Variants in COL1A1 observed in about 807,000 individuals in gnomAD.
COL1A1 encodes collagen type I alpha 1 chain.
Under a neutral mutation model 195.7 loss-of-function variants are expected in COL1A1, and 21 were observed. That is an observed-to-expected ratio of 0.11 (90% CI 0.08 to 0.15). The LOEUF is 0.15. COL1A1 is among the 10% of genes least tolerant of loss of function. The pLI is 1.00. For missense variants in COL1A1, 1,365 were observed against 2,051.0 expected (o/e 0.67, Z 6.46); for synonymous variants, 749 against 747.3 (o/e 1.00, Z -0.04).
At chr17:50,196,845 T>C (rs570603949) in intron 11 of COL1A1, among the ~76,000 whole-genome samples, 165 bp downstream of exon 11, 2 of 152,298 alleles carry the variant, frequency 1.3e-5, no homozygotes, top group Admixed American at 1.3e-4. Context: ...TCGGGACTGC[T>C]TTCCCATGGA....
chr17:50,186,080 T>C lies in COL1A1; in HGVS notation c.4006-60A>G. 7 of 1,601,556 alleles carry C rather than the reference T, an allele frequency of 4.4e-6. No homozygotes were observed. Among genetic ancestry groups the C allele is most frequent in the Non-Finnish European group, 5.9e-6 (7 of 1,178,708 alleles). On this transcript the variant is annotated intron_variant, in intron 49 of 50. Coordinates refer to ENST00000225964, the MANE Select transcript of COL1A1 (RefSeq NM_000088.4). The surrounding 1 kb of genome is among the most constrained non-coding windows in gnomAD (Gnocchi z 5.3). ...CTATGCGGGAACCTCTAGTCCTGCC[T>C]GGCCTCCCTGTCCAGGGTCCTCAGA...
rs758006385 is a variant in COL1A1 at position 50,194,558 on chromosome 17, G to T, written c.1515+15C>A. ...GAGCGGCAGGGTCAGCCCCCCGGCC[G>T]CAAGGAGAGGTTACCTTGGGACCAG... On this transcript the variant is annotated intron_variant, in intron 22 of 50. Coordinates refer to ENST00000225964, the MANE Select transcript of COL1A1 (RefSeq NM_000088.4). This position sits in a 1 kb window ranked among gnomAD's most constrained non-coding sequence, Gnocchi z 6.8. 1.3e-5 allele frequency: 20 copies of T among 1,596,340 alleles called. No homozygotes were observed. The highest frequency in any genetic ancestry group is 5.3e-5 in the Admixed American group (3 of 56,112).
At chr17:50,196,133 G>A (rs1476715192) in intron 15 of COL1A1, 22 bp downstream of exon 15, 1 of 1,613,866 alleles carries the variant, frequency 6.2e-7, no homozygotes, top group Non-Finnish European at 8.5e-7. Flanking sequence ...CCCAGGCCCT[G>A]AGGCCTACAG....
intron 5 of COL1A1, 146 bp downstream of exon 5, chr17:50,199,080 A>G (rs985552790): frequency 1.5e-5 from 14 of 917,712 alleles, no homozygotes; most frequent in Non-Finnish European, 2.0e-5. Flanking sequence ...CATGTCACAA[A>G]CTGTGAAGGG....
In COL1A1 at chr17:50,199,859, G is replaced by A. The variant is rs1343673309; in HGVS notation, c.192C>T (p.Asp64=). The change falls in exon 2 of 51, where the codon GAC becomes GAT. Residue 64 remains aspartate, a synonymous_variant. Transcript: ENST00000225964. Reference sequence around the variant, plus strand: ...CGTCATCGCACAACACCTTGCCGTTGTCGCAGACGCAGATCCGGCAGGGCT... The same window carrying A: ...CGTCATCGCACAACACCTTGCCGTTATCGCAGACGCAGATCCGGCAGGGCT... ...KPEPCRICVC[D]NGKVLCDDVI... The A allele has an allele frequency of 2.5e-6, 4 of 1,614,220 alleles. No homozygotes were observed. Among genetic ancestry groups the A allele is most frequent in the Non-Finnish European group, 2.5e-6 (3 of 1,180,036 alleles).
chr17:50,190,345 A>C lies in COL1A1; in HGVS notation c.2433T>G (p.Ala811=). The change falls in exon 35 of 51, where the codon GCT becomes GCG. Residue 811 remains alanine (A), a synonymous_variant. Coordinates refer to ENST00000225964, the MANE Select transcript of COL1A1 (RefSeq NM_000088.4). This position sits in a 1 kb window ranked among gnomAD's most constrained non-coding sequence, Gnocchi z 4.7. ...DRGEPGPPGP[A]GFAGPPGADG... The stretch of plus-strand genomic sequence containing the variant: ...TACTCACAGGGGGGCCAGCAAAGCC[A>C]GCAGGGCCGGGGGGACCAGGCTCAC... 2 of 1,608,878 alleles carry C rather than the reference A, an allele frequency of 1.2e-6. No homozygotes were observed. Among genetic ancestry groups the C allele is most frequent in the Non-Finnish European group, 1.7e-6 (2 of 1,176,204 alleles).
intron 9 of COL1A1, 79 bp from the exon 10 acceptor site, chr17:50,197,312 G>A (rs888407264): frequency 6.9e-7 from 1 of 1,441,736 alleles, no homozygotes; most frequent in Non-Finnish European, 9.8e-7. Flanking sequence ...GAAGGTCTCA[G>A]TCTTCTTTGG....
At position 50,194,591 on chromosome 17, in the gene COL1A1, A is replaced by G. The variant is rs376679678; in HGVS notation, c.1497T>C (p.Asp499=). ...GPGSRGFPGA[D]GVAGPKGPAG... is the part of the protein sequence containing the mutation. ...AGGTTACCTTGGGACCAGCAACACCATCTGCGCCAGGGAAACCACGGCTAC... is the reference window on the plus strand; with the variant it reads ...AGGTTACCTTGGGACCAGCAACACCGTCTGCGCCAGGGAAACCACGGCTAC... The change falls in exon 22 of 51, where the codon GAT becomes GAC. Residue 499 remains aspartate, a synonymous_variant. Coordinates refer to ENST00000225964, the MANE Select transcript of COL1A1 (RefSeq NM_000088.4). The surrounding 1 kb of genome is among the most constrained non-coding windows in gnomAD (Gnocchi z 6.8). 6 of 1,579,314 alleles carry G rather than the reference A, an allele frequency of 3.8e-6. No individual in the cohort carries two copies. The African/African-American group carries it at 4.0e-5, about 11-fold the overall frequency.
In COL1A1 at chr17:50,197,715, T is replaced by C; in HGVS notation, c.696+17A>G. 1 of 1,571,512 alleles carries C rather than the reference T, an allele frequency of 6.4e-7. No individual in the cohort carries two copies. The highest frequency in any genetic ancestry group is 8.6e-7 in the Non-Finnish European group (1 of 1,162,924). ...GGCCATGGGGTCAGATGGTATCTTC[T>C]TGCTGGGGATACTTACATCATCTCC... On this transcript the variant is annotated intron_variant, in intron 9 of 50. Coordinates refer to ENST00000225964, the MANE Select transcript of COL1A1 (RefSeq NM_000088.4).
At position 50,184,760 on chromosome 17, in the gene COL1A1, C is replaced by G. The variant is rs1342972976; in HGVS notation, c.*742G>C. 2.6e-5 allele frequency: 6 copies of G among 232,504 alleles called. No individual in the cohort carries two copies. The highest frequency in any genetic ancestry group is 5.1e-5 in the Non-Finnish European group (6 of 117,504). 14.4% of individuals were successfully genotyped at this position (232,504 alleles called of 1,614,324 possible). A position where few individuals can be genotyped will look rare whatever the true frequency, so the allele number is the denominator to read the frequency against. On this transcript the variant is annotated 3_prime_UTR_variant, in exon 51 of 51. Transcript: ENST00000225964. ...CAAGGAACAGAACAGTCTCTCCCGCCCAGCCCTGCGGCACAAGGGATTGAC... is the reference window on the plus strand; with the variant it reads ...CAAGGAACAGAACAGTCTCTCCCGCGCAGCCCTGCGGCACAAGGGATTGAC...
intron 1 of COL1A1, chr17:50,200,231 G>C: frequency 2.1e-6 from 1 of 466,960 alleles, no homozygotes; most frequent in Non-Finnish European, 3.9e-6. Context: ...TGGCGCTGAA[G>C]CCAAGTGAAA....
In COL1A1 at chr17:50,188,375, T is replaced by C. The variant is rs1212615640; in HGVS notation, c.3207+155A>G. 5.6e-6 allele frequency: 5 copies of C among 891,568 alleles called. No individual in the cohort carries two copies. The highest frequency in any genetic ancestry group is 8.8e-6 in the Non-Finnish European group (5 of 568,430). The allele number at this position is 891,568 out of a possible 1,614,324, so 55.2% of individuals were successfully genotyped here. ...GGAGAGGGGACTTGGGGCTGAGCTT[T>C]AACTCAGTTTTTTGGATTAAGGCCC... On this transcript the variant is annotated intron_variant, in intron 43 of 50. Coordinates refer to ENST00000225964, the MANE Select transcript of COL1A1 (RefSeq NM_000088.4). The surrounding 1 kb of genome is among the most constrained non-coding windows in gnomAD (Gnocchi z 5.6).
intron 31 of COL1A1, 87 bp from the exon 32 acceptor site, chr17:50,191,577 T>A: frequency 7.4e-7 from 1 of 1,354,344 alleles, no homozygotes; most frequent in Non-Finnish European, 1.1e-6. Context: ...TCTCCCAGGC[T>A]TGTTTCCAAG....
rs56302025 is a variant in COL1A1 at position 50,185,257 on chromosome 17, C to CTTTTTTTTTTTT, written c.*233_*244dup. ...TTTTTTAAAAAGTTATTTATTTATT[C>CTTTTTTTTTTTT]TTTTTTTTTTTTTTTTTTTGGTAAG... On this transcript the variant is annotated 3_prime_UTR_variant, in exon 51 of 51. Coordinates refer to ENST00000225964, the MANE Select transcript of COL1A1 (RefSeq NM_000088.4). 4 of 185,550 alleles carry CTTTTTTTTTTTT rather than the reference C, an allele frequency of 2.2e-5. No homozygotes were observed. Among genetic ancestry groups the CTTTTTTTTTTTT allele is most frequent in the African/African-American group, 3.3e-5 (1 of 29,862 alleles). 11.5% of individuals were successfully genotyped at this position (185,550 alleles called of 1,614,324 possible).
intron 15 of COL1A1, 51 bp downstream of exon 15, chr17:50,196,104 A>G (rs1036181110): frequency 6.2e-7 from 1 of 1,612,478 alleles, no homozygotes; most frequent in Admixed American, 1.7e-5. Flanking sequence ...AAGAGCAGAT[A>G]CTGAGACCCC....
chr17:50,200,216 C>A, intron 1 of COL1A1: 1 of 531,748 alleles, frequency 1.9e-6, no homozygotes, highest in East Asian at 3.3e-5. Context: ...CCAACCTCAG[C>A]CCATTGGCGC....
At position 50,188,482 on chromosome 17, in the gene COL1A1, G is replaced by A; in HGVS notation, c.3207+48C>T. 1 of 1,565,650 alleles carries A rather than the reference G, an allele frequency of 6.4e-7. No individual in the cohort carries two copies. The highest frequency in any genetic ancestry group is 8.8e-7 in the Non-Finnish European group (1 of 1,136,436). On this transcript the variant is annotated intron_variant, in intron 43 of 50. Transcript: ENST00000225964. This position sits in a 1 kb window ranked among gnomAD's most constrained non-coding sequence, Gnocchi z 5.6. ...CCCCAGGCCTCTAAGGAGGCCTGAA[G>A]AGTCCCTGGCCTGACCAGGTACAGG...
chr17:50,195,199 T>C lies in COL1A1; in HGVS notation c.1299+33A>G, dbSNP rs781374109. 16 of 1,605,258 alleles carry C rather than the reference T, an allele frequency of 1.0e-5. No homozygotes were observed. In the African/African-American group the frequency reaches 1.7e-4, roughly 17 times the overall value. On this transcript the variant is annotated intron_variant, in intron 19 of 50. Transcript: ENST00000225964. The surrounding 1 kb of genome is among the most constrained non-coding windows in gnomAD (Gnocchi z 4.3). ...TGAGAGCCGCACTGGAGCCAGTGCA[T>C]GGGGTGGGCAGAAGGGAGAGTTTGG...
At chr17:50,187,795 C>T (rs1222195176) in intron 45 of COL1A1, 81 bp downstream of exon 45, 1 of 1,319,724 alleles carries the variant, frequency 7.6e-7, no homozygotes, top group Non-Finnish European at 1.1e-6. Flanking sequence ...AATGACTATC[C>T]AGAGGGGGAA....
Sources: allele counts gnomAD v4.1 joint callset (sites outside exome capture counted in the v4.1 genomes callset), GRCh38; gene constraint gnomAD v4.1.1; non-coding constraint Gnocchi (gnomAD v3.1); transcripts MANE v1.5; gene names NCBI Gene and HGNC (gene_info 2026-07-23, HGNC 2026-07-21).